The following NXPH1 variants were observed in gnomAD, a reference collection of about 807,000 sequenced individuals.
The protein encoded by NXPH1 is neurexophilin 1, also known as neurexophilin-1.
A neutral mutation model predicts 23.7 loss-of-function variants in NXPH1; 5 were observed. The observed-to-expected ratio is 0.21, with a 90% CI of 0.11 to 0.44. The LOEUF (loss-of-function observed/expected upper bound fraction) is 0.44. NXPH1 is among the 20% of genes least tolerant of loss of function. The pLI is 0.99. For missense variants in NXPH1, 324 were observed against 321.6 expected (o/e 1.01, Z -0.06); for synonymous variants, 144 against 122.2 (o/e 1.18, Z -1.18).
intron 2 of NXPH1, among the ~76,000 whole-genome samples, chr7:8,498,494 T>C (rs1016412722): frequency 6.6e-6 from 1 of 152,094 alleles, no homozygotes; most frequent in South Asian, 2.1e-4. Context: ...CAGCCTTGGA[T>C]GAAGTTAATA....
At chr7:8,564,717 A>C (rs1159873736) in intron 2 of NXPH1, among the ~76,000 whole-genome samples, 1 of 151,836 alleles carries the variant, frequency 6.6e-6, no homozygotes, top group African/African-American at 2.4e-5. Context: ...TCCAGAACTC[A>C]ATCCAGGTGA....
chr7:8,467,865 A>G (rs1010516281), intron 2 of NXPH1, among the ~76,000 whole-genome samples: 1 of 152,174 alleles, frequency 6.6e-6, no homozygotes, highest in Non-Finnish European at 1.5e-5. Context: ...TAGAAAATTT[A>G]TTATCAAGCA....
At chr7:8,543,439 T>C (rs1419166273) in intron 2 of NXPH1, among the ~76,000 whole-genome samples, 1 of 151,624 alleles carries the variant, frequency 6.6e-6, no homozygotes, top group African/African-American at 2.4e-5. Flanking sequence ...GTTAATTAAT[T>C]TTGTATTCAG....
At chr7:8,698,064 C>T (rs867392432) in intron 2 of NXPH1, among the ~76,000 whole-genome samples, 19 of 152,094 alleles carry the variant, frequency 1.2e-4, no homozygotes, top group Middle Eastern at 6.8e-3. Flanking sequence ...GAAGAACCAA[C>T]GGGGAAAGGA....
chr7:8,627,570 G>T (rs1820020957), intron 2 of NXPH1, among the ~76,000 whole-genome samples: 3 of 152,066 alleles, frequency 2.0e-5, no homozygotes, highest in Admixed American at 2.0e-4. Flanking sequence ...GGCTGGGAGA[G>T]GTTACTGAAG....
intron 2 of NXPH1, among the ~76,000 whole-genome samples, chr7:8,663,817 A>T (rs888372874): frequency 6.6e-6 from 1 of 152,072 alleles, no homozygotes; most frequent in African/African-American, 2.4e-5. Context: ...ATTCATGGAG[A>T]TAGCTTGAGT....
At chr7:8,556,152 T>A (rs1199133704) in intron 2 of NXPH1, among the ~76,000 whole-genome samples, 1 of 151,536 alleles carries the variant, frequency 6.6e-6, no homozygotes, top group African/African-American at 2.4e-5. Flanking sequence ...CAAAAATAAG[T>A]ATCTTTATAA....
intron 2 of NXPH1, among the ~76,000 whole-genome samples, chr7:8,625,082 C>T (rs1209033983): frequency 6.6e-6 from 1 of 152,102 alleles, no homozygotes; most frequent in Non-Finnish European, 1.5e-5. Context: ...TTTTCAGCTT[C>T]CTATGTGTCA....
intron 2 of NXPH1, among the ~76,000 whole-genome samples, chr7:8,693,279 G>T (rs1403946048): frequency 6.6e-6 from 1 of 152,216 alleles, no homozygotes; most frequent in Non-Finnish European, 1.5e-5. Context: ...GCAGGCCTGA[G>T]TTTGAATCCA....
At chr7:8,587,191 A>G (rs117069231) in intron 2 of NXPH1, among the ~76,000 whole-genome samples, 1,764 of 152,260 alleles carry the variant, frequency 0.012, 21 homozygotes, top group South Asian at 0.057. Flanking sequence ...ATTTATTTGA[A>G]AATAGTGGCT....
chr7:8,645,677 A>T (rs889127914), intron 2 of NXPH1, among the ~76,000 whole-genome samples: 1 of 151,892 alleles, frequency 6.6e-6, no homozygotes, highest in Non-Finnish European at 1.5e-5. Flanking sequence ...ATATTTCTGT[A>T]TCTTGGTCTT....
Position 8,653,162 on chromosome 7 carries a change from G to A in NXPH1, c.55-97846G>A, listed in dbSNP as rs141422830. ...ATGGTACAGAAAAATGACTGCTCTT[G>A]CAAAACTAAAAGTGTAGCTGGAATA... On this transcript the variant is annotated intron_variant, in intron 2 of 2. Coordinates refer to ENST00000405863, the MANE Select transcript of NXPH1 (RefSeq NM_152745.3). Among the ~76,000 whole-genome samples, 1,088 of 151,296 alleles carry A rather than the reference G, an allele frequency of 7.2e-3. 4 individuals carry two copies. The highest frequency in any genetic ancestry group is 0.013 in the Non-Finnish European group (861 of 67,828).
At chr7:8,662,067 CA>C (rs1379395465) in intron 2 of NXPH1, among the ~76,000 whole-genome samples, 1 of 151,682 alleles carries the variant, frequency 6.6e-6, no homozygotes, top group African/African-American at 2.4e-5. Flanking sequence ...AGATTCCAAC[CA>C]AAAAGTTGCT....
intron 2 of NXPH1, among the ~76,000 whole-genome samples, chr7:8,688,660 A>G (rs2115181904): frequency 6.6e-6 from 1 of 152,290 alleles, no homozygotes; most frequent in Middle Eastern, 3.4e-3. Context: ...TCTTCTTTTC[A>G]CTTATAAGGC....
At chr7:8,506,622 A>C (rs1416822823) in intron 2 of NXPH1, among the ~76,000 whole-genome samples, 1 of 152,020 alleles carries the variant, frequency 6.6e-6, no homozygotes, top group East Asian at 1.9e-4. Context: ...ACAGCAAATA[A>C]ATTTGATTTG....
At chr7:8,605,085 T>C (rs1819455039) in intron 2 of NXPH1, among the ~76,000 whole-genome samples, 1 of 152,140 alleles carries the variant, frequency 6.6e-6, no homozygotes, top group Non-Finnish European at 1.5e-5. Flanking sequence ...ACATTTGAAA[T>C]AACTTCAAGT....
chr7:8,501,927 G>C (rs1005399033), intron 2 of NXPH1, among the ~76,000 whole-genome samples: 1 of 152,062 alleles, frequency 6.6e-6, no homozygotes, highest in East Asian at 1.9e-4. Flanking sequence ...ACAGATATTC[G>C]AAAGTTGTCT....
At chr7:8,451,491 T>G (rs1816506479) in intron 2 of NXPH1, among the ~76,000 whole-genome samples, 1 of 152,178 alleles carries the variant, frequency 6.6e-6, no homozygotes. Context: ...TCATCCCAAG[T>G]TTTTCTGTCT....
rs527668544 is a variant in NXPH1, at chr7:8,488,936, T to C, written c.54+53169T>C. Among the ~76,000 whole-genome samples, 397 of 152,274 alleles carry C rather than the reference T, an allele frequency of 2.6e-3. 7 individuals carry two copies. Among genetic ancestry groups the C allele is most frequent in the Non-Finnish European group, 2.3e-3 (159 of 68,016 alleles). ...TAGCAGCCTACTGAACTTCAACAACTCTGTTTTGAATTCTGCAGTAAGTTC... is the reference window on the plus strand; with the variant it reads ...TAGCAGCCTACTGAACTTCAACAACCCTGTTTTGAATTCTGCAGTAAGTTC... On this transcript the variant is annotated intron_variant, in intron 2 of 2. Coordinates refer to ENST00000405863, the MANE Select transcript of NXPH1 (RefSeq NM_152745.3).
Sources: gnomAD v4.1 joint callset for allele counts (sites outside exome capture counted in the v4.1 genomes callset) on GRCh38, gnomAD v4.1.1 for gene constraint, MANE v1.5 for transcripts, NCBI Gene and HGNC (gene_info 2026-07-23, HGNC 2026-07-21) for gene names.